SCARB1: variants seen among roughly 807,000 people sequenced by gnomAD.
SCARB1 encodes scavenger receptor class B member 1, also known as CD36 and LIMPII analogous 1.
Under a neutral mutation model 57.2 loss-of-function variants are expected in SCARB1, and 30 were observed. That is an observed-to-expected ratio of 0.52 (90% CI 0.39 to 0.71). The LOEUF is 0.71. SCARB1 is among the 30% of genes least tolerant of loss of function. The probability of loss-of-function intolerance (pLI) is 0.00; values close to 1 mark genes in which losing one functional copy is unlikely to be tolerated. For missense variants in SCARB1, 543 were observed against 671.2 expected, an observed-to-expected ratio of 0.81 and a Z score of 2.11; for synonymous variants, 249 against 268.3, an observed-to-expected ratio of 0.93 and a Z score of 0.70.
At chr12:124,811,773 G>A in intron 5 of SCARB1, 97 bp downstream of exon 5, 2 of 794,260 alleles carry the variant, frequency 2.5e-6, no homozygotes, top group Non-Finnish European at 4.3e-6. Flanking sequence ...GACAAAGGAA[G>A]AAGGAGCTCT....
chr12:124,780,615 G>A (rs546362158), intron 12 of SCARB1, among the ~76,000 whole-genome samples: 7 of 152,332 alleles, frequency 4.6e-5, no homozygotes, highest in Admixed American at 6.5e-5. Flanking sequence ...GATCCGGGGC[G>A]CTGGGCTGGG....
At chr12:124,799,653 A>G (rs1328451808) in intron 8 of SCARB1, among the ~76,000 whole-genome samples, 1 of 152,108 alleles carries the variant, frequency 6.6e-6, no homozygotes, top group Non-Finnish European at 1.5e-5. Context: ...TATTTTACAG[A>G]GAACGGAGGT....
intron 12 of SCARB1, 30 bp downstream of exon 12, chr12:124,782,653 G>T (rs953632060): frequency 1.5e-5 from 24 of 1,611,186 alleles, no homozygotes; most frequent in Non-Finnish European, 2.0e-5. Flanking sequence ...GGAGGGGGCG[G>T]GGAGGCGCAC....
chr12:124,810,111 C>T lies in SCARB1; in HGVS notation c.842+63G>A, dbSNP rs1950467739. ...AAATGCTTTCCAAGTGCACAGCCAA[C>T]ACCACAGAATTTGGCCATGAGCTAC... is the stretch of plus-strand genomic sequence containing the variant. On this transcript the variant is annotated intron_variant, in intron 6 of 12. Transcript: ENST00000261693. This position sits in a 1 kb window ranked among gnomAD's most constrained non-coding sequence, Gnocchi z 4.0. 2.0e-6 allele frequency: 2 copies of T among 1,021,554 alleles called. No individual in the cohort carries two copies. The highest frequency in any genetic ancestry group is 3.1e-6 in the Non-Finnish European group (2 of 647,468). 63.3% of individuals were successfully genotyped at this position (1,021,554 alleles called of 1,614,324 possible). A position where few individuals can be genotyped will look rare whatever the true frequency, so the allele number is the denominator to read the frequency against.
chr12:124,795,217 T>G lies in SCARB1; in HGVS notation c.1180A>C (p.Met394Leu). 1 of 1,613,882 alleles carries G rather than the reference T, an allele frequency of 6.2e-7. No homozygotes were observed. Among genetic ancestry groups the G allele is most frequent in the South Asian group, 1.1e-5 (1 of 91,076 alleles). ...CSVKLQLSLY[M>L]KSVAGIGQTG... is the part of the protein sequence containing the mutation. The stretch of plus-strand genomic sequence containing the variant: ...CACCCAATGCCTGCGACAGATTTCA[T>G]GTAGAGGCTCAGCTGCAGTTTCACA... Residue 394 changes from methionine to leucine, a missense_variant, in exon 9 of 13, where the codon ATG (methionine) becomes CTG (leucine). By Grantham distance (15) the Met-to-Leu change is conservative. Coordinates refer to ENST00000261693, the MANE Select transcript of SCARB1 (RefSeq NM_005505.5).
At chr12:124,793,692 C>CAA (rs71092224) in intron 9 of SCARB1, among the ~76,000 whole-genome samples, 1,440 of 50,670 alleles carry the variant, frequency 0.028, 59 homozygotes, top group African/African-American at 0.077. Flanking sequence ...GACTCCGTCT[C>CAA]AAAAAAAAAA....
chr12:124,833,292 C>G (rs1196428684), intron 1 of SCARB1, among the ~76,000 whole-genome samples: 1 of 151,670 alleles, frequency 6.6e-6, no homozygotes, highest in African/African-American at 2.4e-5. Context: ...CGGGCTGAAG[C>G]AATCCTCCTT....
intron 12 of SCARB1, among the ~76,000 whole-genome samples, chr12:124,779,414 A>G (rs1229420905): frequency 6.6e-6 from 1 of 152,154 alleles, no homozygotes; most frequent in Admixed American, 6.5e-5. Context: ...GCAGATTCAG[A>G]AAAAACAAAC....
At position 124,814,868 on chromosome 12, in the gene SCARB1, G is replaced by A. The variant is rs1475990815; in HGVS notation, c.426+105C>T. ...CCACCCACCAGGCGTGAGTCCCCACGCTCCGACCACCTCAGGGACTGCTCT... is the reference window on the plus strand; with the variant it reads ...CCACCCACCAGGCGTGAGTCCCCACACTCCGACCACCTCAGGGACTGCTCT... On this transcript the variant is annotated intron_variant, in intron 3 of 12. Transcript: ENST00000261693. This position sits in a 1 kb window ranked among gnomAD's most constrained non-coding sequence, Gnocchi z 4.7. 3.3e-5 allele frequency: 48 copies of A among 1,471,480 alleles called. No individual in the cohort carries two copies. Among genetic ancestry groups the A allele is most frequent in the Non-Finnish European group, 4.3e-5 (46 of 1,068,140 alleles). 91.2% of individuals were successfully genotyped at this position (1,471,480 alleles called of 1,614,324 possible).
chr12:124,841,330 C>T (rs146932544), intron 1 of SCARB1, among the ~76,000 whole-genome samples: 17 of 151,442 alleles, frequency 1.1e-4, no homozygotes, highest in African/African-American at 4.1e-4. Flanking sequence ...GGAGATTGCG[C>T]CACTGCACTC....
Position 124,812,038 on chromosome 12 carries a change from G to T in SCARB1, c.631-73C>A. ...GAGCCGGCCTGGTCTGAACATTCTG[G>T]GCTGAGCCCTCCTCCCCCTCCACCA... is the stretch of plus-strand genomic sequence containing the variant. On this transcript the variant is annotated intron_variant, in intron 4 of 12. Coordinates refer to ENST00000261693, the MANE Select transcript of SCARB1 (RefSeq NM_005505.5). This position sits in a 1 kb window ranked among gnomAD's most constrained non-coding sequence, Gnocchi z 4.3. 8.7e-7 allele frequency: 1 copy of T among 1,153,690 alleles called. No individual in the cohort carries two copies. Among genetic ancestry groups the T allele is most frequent in the Non-Finnish European group, 1.3e-6 (1 of 783,246 alleles). The allele number at this position is 1,153,690 out of a possible 1,614,324, so 71.5% of individuals were successfully genotyped here.
At chr12:124,858,521 C>A (rs1357495821) in intron 1 of SCARB1, among the ~76,000 whole-genome samples, 1 of 152,114 alleles carries the variant, frequency 6.6e-6, no homozygotes, top group South Asian at 2.1e-4. Context: ...GTCTGTGTGG[C>A]GCATTCATCT....
rs925320876 is a variant in SCARB1, at chr12:124,817,074, ATGTG to A, written c.284+472_284+475del. Among the ~76,000 whole-genome samples, 19 of 147,038 alleles carry A rather than the reference ATGTG, an allele frequency of 1.3e-4. No homozygotes were observed. Among genetic ancestry groups the A allele is most frequent in the Middle Eastern group, 3.4e-3 (1 of 294 alleles). On this transcript the variant is annotated intron_variant, in intron 2 of 12. Coordinates refer to ENST00000261693, the MANE Select transcript of SCARB1 (RefSeq NM_005505.5). This position sits in a 1 kb window ranked among gnomAD's most constrained non-coding sequence, Gnocchi z 4.8. ...TATGTGTGTATGCATGTGTAGGTAC[ATGTG>A]TGTGTATGTATGTGTGTGTGTATGT...
chr12:124,827,304 C>A (rs910737712), intron 1 of SCARB1, among the ~76,000 whole-genome samples: 1 of 152,148 alleles, frequency 6.6e-6, no homozygotes, highest in African/African-American at 2.4e-5. Context: ...GTGTGAGGAA[C>A]GTGACTGGGG....
intron 8 of SCARB1, among the ~76,000 whole-genome samples, chr12:124,795,641 G>T (rs1949918434): frequency 6.6e-6 from 1 of 152,160 alleles, no homozygotes; most frequent in Admixed American, 6.5e-5. Flanking sequence ...ATGGCAATTT[G>T]TCCATGCTCC....
At chr12:124,846,518 A>C (rs1003994481) in intron 1 of SCARB1, among the ~76,000 whole-genome samples, 1 of 152,102 alleles carries the variant, frequency 6.6e-6, no homozygotes, top group Non-Finnish European at 1.5e-5. Flanking sequence ...TGGGAGGCCG[A>C]GGCAGGCGGA....
rs1340729208 is a variant in SCARB1 at position 124,853,389 on chromosome 12, T to TG, written c.126+10205dup. On this transcript the variant is annotated intron_variant, in intron 1 of 12. Transcript: ENST00000261693. ...TGAAATGATCCAGTTTGCATAGTTT[T>TG]GTTTTTTTTTTTTTTTTTTTTGGGA... is the stretch of plus-strand genomic sequence containing the variant. Among the ~76,000 whole-genome samples, 194 of 124,080 alleles carry TG rather than the reference T, an allele frequency of 1.6e-3. 1 individual carries two copies. Among genetic ancestry groups the TG allele is most frequent in the African/African-American group, 4.9e-3 (166 of 34,138 alleles). The allele number at this position is 124,080 out of a possible 152,430, so 81.4% of individuals were successfully genotyped here.
intron 11 of SCARB1, chr12:124,785,948 C>A (rs905346628): frequency 2.1e-6 from 2 of 960,126 alleles, no homozygotes; most frequent in Non-Finnish European, 3.0e-6. Flanking sequence ...TCTGTCTCCC[C>A]GGCTGGGATG....
chr12:124,786,239 C>G (rs1949511431), intron 11 of SCARB1, 118 bp downstream of exon 11: 1 of 1,598,984 alleles, frequency 6.3e-7, no homozygotes, highest in Admixed American at 1.7e-5. Flanking sequence ...AGACGCAGGA[C>G]TGCTGCTGGA....
Sources: allele counts gnomAD v4.1 joint callset (sites outside exome capture counted in the v4.1 genomes callset), GRCh38; gene constraint gnomAD v4.1.1; non-coding constraint Gnocchi (gnomAD v3.1); transcripts MANE v1.5; gene names NCBI Gene and HGNC (gene_info 2026-07-23, HGNC 2026-07-21).